NSUN6: variants seen among roughly 807,000 people sequenced by gnomAD.
NSUN6 encodes the protein tRNA (cytosine(72)-C(5))-methyltransferase NSUN6.
Under a neutral mutation model 58.0 loss-of-function variants are expected in NSUN6, and 64 were observed. The observed-to-expected ratio is 1.10, with a 90% CI of 0.90 to 1.36. The LOEUF (loss-of-function observed/expected upper bound fraction) is 1.36, where lower values mean the gene tolerates loss of function less well. Ranked by LOEUF, NSUN6 falls within the 40% of genes most tolerant of loss-of-function variation. The pLI, the probability that NSUN6 is intolerant of heterozygous loss-of-function variation, is 0.00. For missense variants in NSUN6, 701 were observed against 550.1 expected (o/e 1.27, Z -2.74); for synonymous variants, 231 against 193.9 (o/e 1.19, Z -1.59).
At chr10:18,631,466 C>T (rs971109989) in intron 3 of NSUN6, among the ~76,000 whole-genome samples, 1 of 131,922 alleles carries the variant, frequency 7.6e-6, no homozygotes, top group African/African-American at 2.8e-5. Flanking sequence ...GTCAAATTGT[C>T]CCTGTTTGCA....
chr10:18,561,818 A>C lies in NSUN6; in HGVS notation c.923-9847T>G, dbSNP rs199701862. ...ACAATGGAATGGAATGCAGTGGTGA[A>C]TAGAATGGAATGGAGAATGTAATAG... On this transcript the variant is annotated intron_variant, in intron 8 of 10. Transcript: ENST00000377304. 7.3e-5 allele frequency among the ~76,000 whole-genome samples: 11 copies of C among 151,196 alleles called. No homozygotes were observed. In the East Asian group the frequency reaches 2.1e-3, roughly 29 times the overall value.
intron 3 of NSUN6, among the ~76,000 whole-genome samples, chr10:18,635,293 T>C (rs752287038): frequency 6.6e-6 from 1 of 152,208 alleles, no homozygotes; most frequent in Non-Finnish European, 1.5e-5. Flanking sequence ...TGGTTTTGCT[T>C]TTGTATGCTT....
chr10:18,553,253 C>T (rs576793954), intron 8 of NSUN6, among the ~76,000 whole-genome samples: 1 of 152,096 alleles, frequency 6.6e-6, no homozygotes, highest in Admixed American at 6.6e-5. Context: ...ATTCTCCATT[C>T]CATTCCATCC....
At chr10:18,560,009 T>C (rs1165152402) in intron 8 of NSUN6, among the ~76,000 whole-genome samples, 1 of 139,658 alleles carries the variant, frequency 7.2e-6, no homozygotes, top group Non-Finnish European at 1.5e-5. Context: ...TGGAATGCAA[T>C]GGAGAATGGA....
At chr10:18,559,413 G>GGGAAT (rs2055308087) in intron 8 of NSUN6, among the ~76,000 whole-genome samples, 6 of 147,336 alleles carry the variant, frequency 4.1e-5, no homozygotes, top group Admixed American at 3.4e-4. Context: ...GAATGGAATG[G>GGGAAT]GGAATGGAAT....
chr10:18,546,200 A>C lies in NSUN6; in HGVS notation c.1198-55T>G, dbSNP rs554965711. 8 of 1,178,100 alleles carry C rather than the reference A, an allele frequency of 6.8e-6. No individual in the cohort carries two copies. The African/African-American group carries it at 1.2e-4, about 18-fold the overall frequency. The allele number at this position is 1,178,100 out of a possible 1,614,324, so 73.0% of individuals were successfully genotyped here. Reference sequence around the variant, plus strand: ...GAACATCCTGTAATTAGCAAGTATGACTGCTACAATTTAAGTTAAAAGACA... The same window carrying C: ...GAACATCCTGTAATTAGCAAGTATGCCTGCTACAATTTAAGTTAAAAGACA... On this transcript the variant is annotated intron_variant, in intron 10 of 10. Coordinates refer to ENST00000377304, the MANE Select transcript of NSUN6 (RefSeq NM_182543.5).
rs190034168 is a variant in NSUN6, at chr10:18,610,756, C to T, written c.576-830G>A. Among the ~76,000 whole-genome samples the T allele has an allele frequency of 4.6e-5, 7 of 152,302 alleles. No homozygotes were observed. The East Asian group carries it at 9.7e-4, about 21-fold the overall frequency. ...AGAGGCTACTGAAGCAGAGAAAGAA[C>T]ACGCAAATCCTGTCAGACAAAGCCA... On this transcript the variant is annotated intron_variant, in intron 5 of 10. Coordinates refer to ENST00000377304, the MANE Select transcript of NSUN6 (RefSeq NM_182543.5).
intron 3 of NSUN6, among the ~76,000 whole-genome samples, chr10:18,618,269 T>C (rs2058481658): frequency 6.6e-6 from 1 of 152,242 alleles, no homozygotes; most frequent in Admixed American, 6.5e-5. Context: ...ACTTTTACTT[T>C]TGGCTTCAAG....
intron 2 of NSUN6, 39 bp from the exon 3 acceptor site, chr10:18,642,594 T>C (rs2059422309): frequency 1.1e-6 from 1 of 946,120 alleles, no homozygotes; most frequent in South Asian, 1.4e-5. Flanking sequence ...AATCCATACA[T>C]TTGATACATT....
chr10:18,595,119 T>C (rs2057534485), intron 7 of NSUN6, among the ~76,000 whole-genome samples: 2 of 152,082 alleles, frequency 1.3e-5, no homozygotes, highest in Admixed American at 1.3e-4. Flanking sequence ...CAAGACCAAG[T>C]GAATGGGCCC....
intron 5 of NSUN6, among the ~76,000 whole-genome samples, chr10:18,612,817 A>G (rs1297536431): frequency 6.6e-6 from 1 of 152,226 alleles, no homozygotes; most frequent in Admixed American, 6.5e-5. Context: ...ATAATAATGC[A>G]AAGTACAAGA....
At chr10:18,628,626 A>C (rs954378754) in intron 3 of NSUN6, among the ~76,000 whole-genome samples, 12 of 152,220 alleles carry the variant, frequency 7.9e-5, no homozygotes, top group Non-Finnish European at 1.3e-4. Flanking sequence ...CTCAGGAGCC[A>C]ATGTGATCAA....
upstream of NSUN6, among the ~76,000 whole-genome samples, chr10:18,656,068 G>A (rs1362676636): frequency 1.3e-5 from 2 of 152,140 alleles, no homozygotes; most frequent in African/African-American, 2.4e-5. Context: ...TGATAGGAGC[G>A]AGACGTGAGT....
chr10:18,556,279 T>C (rs1459980123), intron 8 of NSUN6, among the ~76,000 whole-genome samples: 2 of 133,934 alleles, frequency 1.5e-5, no homozygotes, highest in Non-Finnish European at 3.2e-5. Context: ...GAATGGAAAA[T>C]GGAATAGAAT....
intron 6 of NSUN6, among the ~76,000 whole-genome samples, chr10:18,600,738 G>C (rs531193215): frequency 1.0e-3 from 154 of 151,450 alleles, no homozygotes; most frequent in African/African-American, 3.6e-3. Flanking sequence ...GACCAGACTG[G>C]CCAATATGGT....
chr10:18,594,439 TTG>T (rs1491084107), intron 7 of NSUN6, among the ~76,000 whole-genome samples: 1 of 148,478 alleles, frequency 6.7e-6, no homozygotes, highest in Non-Finnish European at 1.5e-5. Context: ...CTGTTTTTTT[TTG>T]TTGTTGTTGT....
intron 3 of NSUN6, among the ~76,000 whole-genome samples, chr10:18,629,350 C>T (rs867429267): frequency 9.2e-5 from 14 of 152,058 alleles, no homozygotes; most frequent in African/African-American, 2.9e-4. Context: ...CATGAACTAA[C>T]GAGCAAAATA....
chr10:18,588,265 T>G (rs1354202093), intron 7 of NSUN6, among the ~76,000 whole-genome samples: 1 of 152,152 alleles, frequency 6.6e-6, no homozygotes, highest in Non-Finnish European at 1.5e-5. Context: ...GCAGGCCCAC[T>G]CAGGGGCTTA....
Position 18,601,603 on chromosome 10 carries a change from C to T in NSUN6, c.658-5276G>A, listed in dbSNP as rs772426693. On this transcript the variant is annotated intron_variant, in intron 6 of 10. Coordinates refer to ENST00000377304, the MANE Select transcript of NSUN6 (RefSeq NM_182543.5). ...ACTAGAGCTGAGGTTCCCTACATTG[C>T]TGCTGGATGAGTTTTGGGGTTTGGG... Among the ~76,000 whole-genome samples, 6 of 152,178 alleles carry T rather than the reference C, an allele frequency of 3.9e-5. No individual in the cohort carries two copies. The East Asian group carries it at 5.8e-4, about 15-fold the overall frequency.
Sources: allele counts gnomAD v4.1 joint callset (sites outside exome capture counted in the v4.1 genomes callset), GRCh38; gene constraint gnomAD v4.1.1; transcripts MANE v1.5; gene names NCBI Gene and HGNC (gene_info 2026-07-23, HGNC 2026-07-21).